Variants in UBXN11 observed in about 807,000 individuals in gnomAD.
The protein encoded by UBXN11 is UBX domain protein 11.
A neutral mutation model predicts 62.8 loss-of-function variants in UBXN11; 47 were observed. The ratio of observed to expected loss-of-function variants is 0.75; its 90% confidence interval spans 0.59 to 0.95. The LOEUF is 0.95. UBXN11 is among the 40% of genes least tolerant of loss of function. UBXN11 has a pLI of 0.00. For missense variants in UBXN11, 638 were observed against 661.7 expected, an observed-to-expected ratio of 0.96 and a Z score of 0.39; for synonymous variants, 294 against 267.0, an observed-to-expected ratio of 1.10 and a Z score of -0.99.
chr1:26,289,889 C>T (rs1461130522), intron 8 of UBXN11, among the ~76,000 whole-genome samples: 1 of 152,208 alleles, frequency 6.6e-6, no homozygotes, highest in African/African-American at 2.4e-5. Flanking sequence ...CCACTATTAC[C>T]ACACACCTGC....
intron 2 of UBXN11, among the ~76,000 whole-genome samples, chr1:26,302,295 G>C (rs1193828428): frequency 1.4e-5 from 2 of 145,974 alleles, no homozygotes; most frequent in Non-Finnish European, 3.0e-5. Context: ...AGGAGGCACA[G>C]GTTGCAGTGA....
chr1:26,297,367 C>G, intron 6 of UBXN11, 60 bp downstream of exon 6: 1 of 1,470,866 alleles, frequency 6.8e-7, no homozygotes. Flanking sequence ...TTCCAGGAGC[C>G]CTGGGCCCAG....
chr1:26,306,443 G>C (rs1038476034), intron 1 of UBXN11, 149 bp downstream of exon 1: 1 of 152,226 alleles, frequency 6.6e-6, no homozygotes, highest in Non-Finnish European at 1.5e-5. Flanking sequence ...CCTGGAGGCC[G>C]TGTCGCCTCC....
rs1557677076 is a variant in UBXN11 at position 26,282,310 on chromosome 1, T to C, written c.1552A>G (p.Ser518Gly). The change falls in exon 15 of 15, where the codon AGC (serine) becomes GGC (glycine). Residue 518 changes from serine to glycine, a missense_variant. Ser to Gly is a moderately conservative substitution (Grantham distance 56). Coordinates refer to ENST00000374222, the MANE Select transcript of UBXN11 (RefSeq NM_001389556.1). ...GPSPCPGPSPSPQ is the reference protein window; with the variant it reads ...GPSPCPGPSPGPQ ...AGGGGGCGGGTGCTTTATTGGGGGC[T>C]GGGACTGGGTCCAGGACAGGGACTG... is the stretch of plus-strand genomic sequence containing the variant. 25 of 1,466,838 alleles carry C rather than the reference T, an allele frequency of 1.7e-5. No individual in the cohort carries two copies. The highest frequency in any genetic ancestry group is 2.6e-5 in the Admixed American group (1 of 38,950). The allele number at this position is 1,466,838 out of a possible 1,614,324, so 90.9% of individuals were successfully genotyped here.
chr1:26,301,663 C>T (rs750059359), intron 3 of UBXN11, 31 bp downstream of exon 3: 19 of 1,612,214 alleles, frequency 1.2e-5, no homozygotes, highest in Middle Eastern at 1.6e-4. Context: ...ACATGAGAGG[C>T]GAAGAGGGCA....
chr1:26,294,857 T>A (rs1244294256), intron 7 of UBXN11, among the ~76,000 whole-genome samples: 1 of 152,192 alleles, frequency 6.6e-6, no homozygotes, highest in African/African-American at 2.4e-5. Context: ...CTGCTCAAGG[T>A]GCTGCAACCA....
At chr1:26,284,722 C>T (rs1354311475) in intron 10 of UBXN11, 2 of 1,285,760 alleles carry the variant, frequency 1.6e-6, no homozygotes, top group African/African-American at 3.1e-5. Context: ...TGACACCCTC[C>T]TTGGAGACCC....
chr1:26,308,783 G>A (rs894455110), upstream of UBXN11, among the ~76,000 whole-genome samples: 4 of 151,790 alleles, frequency 2.6e-5, no homozygotes, highest in East Asian at 1.9e-4. Flanking sequence ...GAACCAGATC[G>A]TGAGTGGCAT....
intron 3 of UBXN11, 23 bp downstream of exon 3, chr1:26,301,671 G>A: frequency 6.2e-7 from 1 of 1,613,456 alleles, no homozygotes; most frequent in South Asian, 1.1e-5. Context: ...GGCGAAGAGG[G>A]CACGAGGGCG....
chr1:26,297,857 T>C, intron 5 of UBXN11, 105 bp downstream of exon 5: 7 of 1,261,930 alleles, frequency 5.5e-6, no homozygotes, highest in Non-Finnish European at 7.8e-6. Context: ...GTCAGTGTGG[T>C]AGACGGTTCT....
Position 26,282,713 on chromosome 1 carries a change from A to G in UBXN11, c.1228T>C (p.Phe410Leu). 6.2e-7 allele frequency: 1 copy of G among 1,614,170 alleles called. No individual in the cohort carries two copies. Among genetic ancestry groups the G allele is most frequent in the South Asian group, 1.1e-5 (1 of 91,082 alleles). The change falls in exon 14 of 15, where the codon TTC (phenylalanine) becomes CTC (leucine). Residue 410 changes from phenylalanine (F) to leucine (L), a missense_variant. By Grantham distance (22) the Phe-to-Leu change is conservative. Coordinates refer to ENST00000374222, the MANE Select transcript of UBXN11 (RefSeq NM_001389556.1). ...TTGTCAGGCTGCATCATCAGTAGGAAGGCCTGTTCCCCATTCTCAGACTTG... is the reference window on the plus strand; with the variant it reads ...TTGTCAGGCTGCATCATCAGTAGGAGGGCCTGTTCCCCATTCTCAGACTTG... Reference protein sequence around the residue: ...RIKSENGEQAFLLMMQPDNTI... With the variant: ...RIKSENGEQALLLMMQPDNTI...
intron 12 of UBXN11, 119 bp from the exon 13 acceptor site, chr1:26,283,056 G>C (rs2073038684): frequency 7.6e-7 from 1 of 1,321,278 alleles, no homozygotes; most frequent in African/African-American, 1.5e-5. Context: ...AAAGCGGGAG[G>C]GGGTGTTCTG....
chr1:26,283,889 C>T (rs935101077), intron 12 of UBXN11, among the ~76,000 whole-genome samples: 11 of 152,192 alleles, frequency 7.2e-5, no homozygotes, highest in Admixed American at 4.6e-4. Context: ...GATGGGGTGG[C>T]CTGGGCCTTG....
intron 8 of UBXN11, among the ~76,000 whole-genome samples, chr1:26,288,076 TA>T (rs71721830): frequency 0.14 from 21,777 of 150,656 alleles, 1,743 homozygotes; most frequent in Middle Eastern, 0.2. Context: ...CTAATTAATT[TA>T]AAAAAAAATT....
In UBXN11 at chr1:26,297,315, T is replaced by TAGTC. The variant is rs1292463192; in HGVS notation, c.355+108_355+111dup. ...GCTCAGCTGTCCAGACCCCACCAAG[T>TAGTC]AGTCAGCTTGATGCTCTTGATGCCA... On this transcript the variant is annotated intron_variant, in intron 6 of 14. Transcript: ENST00000374222. 3.1e-6 allele frequency: 4 copies of TAGTC among 1,279,436 alleles called. No individual in the cohort carries two copies. The African/African-American group carries it at 6.0e-5, about 19-fold the overall frequency. The allele number at this position is 1,279,436 out of a possible 1,614,324, so 79.3% of individuals were successfully genotyped here. A position where few individuals can be genotyped will look rare whatever the true frequency, so the allele number is the denominator to read the frequency against.
intron 9 of UBXN11, 22 bp downstream of exon 9, chr1:26,285,801 C>G: frequency 6.5e-7 from 1 of 1,535,336 alleles, no homozygotes. Flanking sequence ...TAGAGCACCA[C>G]CCCCCCCAAC....
At chr1:26,297,894 T>G in intron 5 of UBXN11, 68 bp downstream of exon 5, 1 of 1,543,996 alleles carries the variant, frequency 6.5e-7, no homozygotes, top group Non-Finnish European at 8.8e-7. Context: ...GTCCAACTCC[T>G]GGCCTCCCCA....
At chr1:26,295,299 C>T (rs968101042) in intron 7 of UBXN11, among the ~76,000 whole-genome samples, 4 of 152,146 alleles carry the variant, frequency 2.6e-5, no homozygotes, top group African/African-American at 9.7e-5. Flanking sequence ...GCTCCATCTG[C>T]TGCCACCACC....
intron 8 of UBXN11, among the ~76,000 whole-genome samples, chr1:26,292,622 G>A (rs550799556): frequency 2.4e-4 from 36 of 152,228 alleles, no homozygotes; most frequent in African/African-American, 8.2e-4. Flanking sequence ...TTGGGATGCC[G>A]AGGCGGGAAG....
Sources: allele counts gnomAD v4.1 joint callset (sites outside exome capture counted in the v4.1 genomes callset), GRCh38; gene constraint gnomAD v4.1.1; transcripts MANE v1.5; gene names NCBI Gene and HGNC (gene_info 2026-07-23, HGNC 2026-07-21).